Variants in PHEX observed in about 807,000 individuals in gnomAD.
The protein encoded by PHEX is phosphate regulating endopeptidase X-linked.
Under a neutral mutation model 68.0 loss-of-function variants are expected in PHEX, and 16 were observed. The ratio of observed to expected loss-of-function variants is 0.24; its 90% confidence interval spans 0.16 to 0.36. PHEX has a LOEUF of 0.36. Among genes scored for constraint, PHEX ranks in the 10% least tolerant of loss-of-function variants. The pLI is 1.00. For missense variants in PHEX, 480 were observed against 575.5 expected (o/e 0.83, Z 1.70); for synonymous variants, 208 against 205.1 (o/e 1.01, Z -0.12).
At chrX:22,233,985 G>A (rs190987200) in intron 20 of PHEX, among the ~76,000 whole-genome samples, 32 of 110,667 alleles carry the variant, frequency 2.9e-4, no homozygotes, top group Middle Eastern at 4.7e-3. Context: ...GGTGACCTTC[G>A]GATGGGGTAT....
At chrX:22,106,445 G>A (rs1336200847) in intron 9 of PHEX, among the ~76,000 whole-genome samples, 2 of 111,615 alleles carry the variant, frequency 1.8e-5, no homozygotes. Flanking sequence ...GTGTTTTGGG[G>A]TCTCTGTGAC....
intron 20 of PHEX, among the ~76,000 whole-genome samples, chrX:22,243,190 G>A (rs1171247087): frequency 9.0e-6 from 1 of 111,659 alleles, no homozygotes; most frequent in African/African-American, 3.3e-5. Flanking sequence ...AAAAGATTCT[G>A]TATTTAATAA....
At chrX:22,188,612 TTAAAA>T (rs1410123655) in intron 14 of PHEX, among the ~76,000 whole-genome samples, 1 of 112,244 alleles carries the variant, frequency 8.9e-6, no homozygotes, top group African/African-American at 3.2e-5. Context: ...TGTTTTTTAA[TTAAAA>T]TAACTTTTGT....
chrX:22,134,725 T>C (rs746392566), intron 12 of PHEX, among the ~76,000 whole-genome samples: 2 of 112,480 alleles, frequency 1.8e-5, no homozygotes, highest in Non-Finnish European at 3.8e-5. Flanking sequence ...TTCTTGTATC[T>C]AGAGGTATTT....
intron 20 of PHEX, among the ~76,000 whole-genome samples, chrX:22,230,416 A>T (rs1935686797): frequency 9.5e-6 from 1 of 105,507 alleles, no homozygotes; most frequent in African/African-American, 3.5e-5. Context: ...TGAGCATGGA[A>T]TGTTTTTCCA....
chrX:22,230,229 CTTTTTTTTTTTTTTTTTT>C (rs140475343), intron 20 of PHEX, among the ~76,000 whole-genome samples: 37 of 10,947 alleles, frequency 3.4e-3, no homozygotes, highest in East Asian at 0.027. Context: ...TATATGGGCT[CTTTTTTTTTTTTTTTTTT>C]TTTTTTTTTT....
chrX:22,196,809 T>A lies in PHEX; in HGVS notation c.1645+6307T>A, dbSNP rs139581773. Among the ~76,000 whole-genome samples the A allele has an allele frequency of 6.1e-3, 688 of 112,123 alleles. 5 individuals carry two copies. Among genetic ancestry groups the A allele is most frequent in the African/African-American group, 0.021 (636 of 30,898 alleles). ...ACACAAGGGATTTTTTTCCCCTCAG[T>A]TTAATCACAGATATTCTGCTAAAGA... is the stretch of plus-strand genomic sequence containing the variant. On this transcript the variant is annotated intron_variant, in intron 15 of 21. Coordinates refer to ENST00000379374, the MANE Select transcript of PHEX (RefSeq NM_000444.6).
intron 16 of PHEX, among the ~76,000 whole-genome samples, chrX:22,216,538 A>T (rs913930746): frequency 7.6e-5 from 8 of 105,504 alleles, no homozygotes; most frequent in Non-Finnish European, 1.6e-4. Flanking sequence ...TTTATTTATG[A>T]GACAGAGTTT....
At chrX:22,172,246 T>C (rs1342230512) in intron 13 of PHEX, 2 of 112,069 alleles carry the variant, frequency 1.8e-5, no homozygotes, top group Non-Finnish European at 3.8e-5. Context: ...AATAAAGTAT[T>C]CCATTTCATT....
At chrX:22,182,506 C>T (rs1338830208) in intron 14 of PHEX, among the ~76,000 whole-genome samples, 1 of 110,941 alleles carries the variant, frequency 9.0e-6, no homozygotes, top group Non-Finnish European at 1.9e-5. Flanking sequence ...GGCTTTCCTA[C>T]CCTCTTCAGT....
chrX:22,238,657 T>A, intron 20 of PHEX, among the ~76,000 whole-genome samples: 1 of 111,562 alleles, frequency 9.0e-6, no homozygotes. Flanking sequence ...ACTGGGAAGT[T>A]TGAACTAGGT....
Position 22,099,031 on chromosome X carries a change from A to G in PHEX, c.959A>G (p.Lys320Arg). The change falls in exon 9 of 22, where the codon AAG (lysine) becomes AGG (arginine). Residue 320 changes from lysine to arginine, a missense_variant. Transcript: ENST00000379374. ...TTCGACTGGCTGGGCTACATCAAGA[A>G]GGTCATTGACACCAGACTCTACCCC... is the stretch of plus-strand genomic sequence containing the variant. ...PQFDWLGYIKKVIDTRLYPHL... is the reference protein window; with the variant it reads ...PQFDWLGYIKRVIDTRLYPHL... The G allele has an allele frequency of 8.3e-7, 1 of 1,209,778 alleles. No homozygotes were observed. The highest frequency in any genetic ancestry group is 1.1e-6 in the Non-Finnish European group (1 of 894,136).
chrX:22,068,975 A>G (rs905082543), intron 3 of PHEX, among the ~76,000 whole-genome samples: 3 of 111,457 alleles, frequency 2.7e-5, no homozygotes, highest in African/African-American at 9.8e-5. Flanking sequence ...TACTAAAAAC[A>G]TACAAAAAAA....
chrX:22,111,611 G>C, intron 10 of PHEX, 51 bp downstream of exon 10: 1 of 891,269 alleles, frequency 1.1e-6, no homozygotes, highest in Non-Finnish European at 1.7e-6. Flanking sequence ...TTTACATGCT[G>C]GAATAGTCCA....
At chrX:22,218,791 G>C (rs1294986822) in intron 16 of PHEX, among the ~76,000 whole-genome samples, 1 of 112,273 alleles carries the variant, frequency 8.9e-6, no homozygotes, top group East Asian at 2.8e-4. Flanking sequence ...TAATTTCAGA[G>C]AGTAGGGCAC....
chrX:22,166,197 T>G (rs1185642103), intron 12 of PHEX, among the ~76,000 whole-genome samples: 3 of 112,312 alleles, frequency 2.7e-5, no homozygotes, highest in East Asian at 2.8e-4. Flanking sequence ...CTCCAATCTT[T>G]CTGGCATCCT....
intron 7 of PHEX, among the ~76,000 whole-genome samples, chrX:22,096,515 G>A (rs766141532): frequency 4.5e-5 from 5 of 112,122 alleles, no homozygotes; most frequent in Non-Finnish European, 9.4e-5. Context: ...GGGAACAGTG[G>A]CATCCAGATA....
Position 22,213,536 on chromosome X carries a change from G to A in PHEX, c.1700+578G>A, listed in dbSNP as rs193078265. Among the ~76,000 whole-genome samples, 379 of 112,036 alleles carry A rather than the reference G, an allele frequency of 3.4e-3. 2 individuals are homozygous for A. The highest frequency in any genetic ancestry group is 0.012 in the African/African-American group (367 of 30,869). Reference sequence around the variant, plus strand: ...TATAACCTGTGTAGCTACAGAATAAGTCAAAATTGGTAGTGTATGGACTTA... The same window carrying A: ...TATAACCTGTGTAGCTACAGAATAAATCAAAATTGGTAGTGTATGGACTTA... On this transcript the variant is annotated intron_variant, in intron 16 of 21. Coordinates refer to ENST00000379374, the MANE Select transcript of PHEX (RefSeq NM_000444.6).
chrX:22,213,667 A>G lies in PHEX; in HGVS notation c.1700+709A>G, dbSNP rs764012818. On this transcript the variant is annotated intron_variant, in intron 16 of 21. Transcript: ENST00000379374. ...TCTGATAATATTTGATGTCAATAATATCACCATTTCTATTATATACTTTTT... is the reference window on the plus strand; with the variant it reads ...TCTGATAATATTTGATGTCAATAATGTCACCATTTCTATTATATACTTTTT... Among the ~76,000 whole-genome samples the G allele has an allele frequency of 8.0e-5, 9 of 112,242 alleles. No individual in the cohort carries two copies. The South Asian group carries it at 3.0e-3, about 37-fold the overall frequency.
Sources: allele counts gnomAD v4.1 joint callset (sites outside exome capture counted in the v4.1 genomes callset), GRCh38; gene constraint gnomAD v4.1.1; transcripts MANE v1.5; gene names NCBI Gene and HGNC (gene_info 2026-07-23, HGNC 2026-07-21).